Variants in PLXNC1 observed in about 807,000 individuals in gnomAD.
The protein encoded by PLXNC1 is plexin C1, also known as plexin-C1.
PLXNC1 carries 75 observed loss-of-function variants against 178.2 expected under a neutral mutation model. The ratio of observed to expected loss-of-function variants is 0.42; its 90% CI spans 0.35 to 0.51. The LOEUF (loss-of-function observed/expected upper bound fraction) is 0.51, where lower values mean the gene tolerates loss of function less well. Among genes scored for constraint, PLXNC1 ranks in the 20% least tolerant of loss-of-function variants. PLXNC1 has a pLI of 0.02. For missense variants in PLXNC1, 1,503 were observed against 1,984.4 expected, an observed-to-expected ratio of 0.76 and a Z score of 4.61; for synonymous variants, 790 against 779.9, an observed-to-expected ratio of 1.01 and a Z score of -0.22.
intron 4 of PLXNC1, among the ~76,000 whole-genome samples, chr12:94,195,136 G>T (rs536362353): frequency 1.3e-5 from 2 of 152,206 alleles, no homozygotes; most frequent in East Asian, 3.9e-4. Context: ...CTTACTAGCG[G>T]GTGCTGGGAA....
Position 94,254,840 on chromosome 12 carries a change from C to G in PLXNC1, c.2935C>G (p.Gln979Glu), listed in dbSNP as rs760889784. The change falls in exon 16 of 31, where the codon CAA becomes GAA. Residue 979 changes from glutamine to glutamate, a missense_variant. Around this residue, in one of 4 missense-constraint regions of PLXNC1, gnomAD observed 639 missense variants for 979.7 expected, o/e 0.65. Transcript: ENST00000258526. ...GAAGGAGCTGAGTCGCAAACAGAGT[C>G]AACAACTAGAATTGCTGGAAAGCGA... ...KSKELSRKQS[Q>E]QLELLESELR... 7 of 1,611,930 alleles carry G rather than the reference C, an allele frequency of 4.3e-6. No individual in the cohort carries two copies. In the Admixed American group the frequency reaches 1.2e-4, roughly 27 times the overall value.
At position 94,150,257 on chromosome 12, in the gene PLXNC1, G is replaced by C. The variant is rs190625185; in HGVS notation, c.1062+224G>C. 1.2e-3 allele frequency among the ~76,000 whole-genome samples: 179 copies of C among 152,282 alleles called. 3 individuals are homozygous for C. In the East Asian group the frequency reaches 0.03, roughly 25 times the overall value. On this transcript the variant is annotated intron_variant, in intron 1 of 30. Transcript: ENST00000258526. ...GTCCCCAAAGGGAGAGTGTAAAAAG[G>C]GGGGCGGGGAGGGTTGGAGTTAGAC...
chr12:94,252,342 G>T (rs1245967524), intron 15 of PLXNC1, among the ~76,000 whole-genome samples: 1 of 152,150 alleles, frequency 6.6e-6, no homozygotes, highest in Non-Finnish European at 1.5e-5. Context: ...AAGGAGGGAG[G>T]ACGGCATAAG....
rs760549221 is a variant in PLXNC1, at chr12:94,224,259, C to T, written c.1734C>T (p.Phe578=). Residue 578 remains phenylalanine (F), a synonymous_variant, in exon 7 of 31, where the codon TTC becomes TTT. Transcript: ENST00000258526. ...CAGTTGTCAACGTGATGTTCTCCTT[C>T]GGTTCTTGGAATTTATCAGACAGAT... is the stretch of plus-strand genomic sequence containing the variant. ...DVSVVNVMFS[F]GSWNLSDRFN... is the part of the protein sequence containing the mutation. 8.1e-6 allele frequency: 13 copies of T among 1,605,080 alleles called. No homozygotes were observed. The highest frequency in any genetic ancestry group is 3.3e-4 in the Middle Eastern group (2 of 6,066).
At chr12:94,277,596 G>T (rs1396242613) in intron 21 of PLXNC1, among the ~76,000 whole-genome samples, 3 of 152,174 alleles carry the variant, frequency 2.0e-5, no homozygotes, top group Admixed American at 2.0e-4. Context: ...CAGCTGGCTT[G>T]CGGTGGACTG....
At chr12:94,292,975 C>G (rs1967507723) in intron 23 of PLXNC1, among the ~76,000 whole-genome samples, 1 of 151,918 alleles carries the variant, frequency 6.6e-6, no homozygotes, top group Admixed American at 6.6e-5. Context: ...AAATAGAAGC[C>G]CTCTCCTGGC....
intron 9 of PLXNC1, chr12:94,227,556 A>G (rs1963980822): frequency 4.0e-6 from 1 of 248,112 alleles, no homozygotes. Flanking sequence ...AGGGATTTCA[A>G]CTTGCACTTT....
intron 3 of PLXNC1, among the ~76,000 whole-genome samples, chr12:94,185,341 A>G (rs1962471441): frequency 6.6e-6 from 1 of 151,972 alleles, no homozygotes; most frequent in South Asian, 2.1e-4. Flanking sequence ...CCCTTCTAGA[A>G]CTCCTTATTT....
intron 2 of PLXNC1, among the ~76,000 whole-genome samples, chr12:94,171,673 A>C: frequency 6.6e-6 from 1 of 152,212 alleles, no homozygotes; most frequent in Non-Finnish European, 1.5e-5. Context: ...GGAGACATGC[A>C]GATAGGGTTC....
intron 24 of PLXNC1, among the ~76,000 whole-genome samples, chr12:94,295,580 T>C (rs2136207979): frequency 6.6e-6 from 1 of 152,254 alleles, no homozygotes; most frequent in Non-Finnish European, 1.5e-5. Context: ...AGAGCCACCG[T>C]CTTACACCCT....
rs183552889 is a variant in PLXNC1 at position 94,245,333 on chromosome 12, T to C, written c.2388+1308T>C. ...TTTTGCTGGGTGCAGGGACAAAAGA[T>C]AAGTGAGATAGTCATATTGCCTTCA... On this transcript the variant is annotated intron_variant, in intron 12 of 30. Transcript: ENST00000258526. Among the ~76,000 whole-genome samples, 27 of 152,350 alleles carry C rather than the reference T, an allele frequency of 1.8e-4. No homozygotes were observed. The East Asian group carries it at 4.0e-3, about 23-fold the overall frequency.
intron 23 of PLXNC1, 30 bp from the exon 24 acceptor site, chr12:94,294,456 C>G (rs1880934): frequency 1.0e-6 from 1 of 991,316 alleles, no homozygotes; most frequent in Non-Finnish European, 1.6e-6. Context: ...AAATTTTGAA[C>G]ACTCATATAT....
intron 7 of PLXNC1, 144 bp downstream of exon 7, chr12:94,224,459 G>C (rs1486527781): frequency 7.8e-6 from 5 of 644,886 alleles, no homozygotes; most frequent in South Asian, 1.7e-5. Flanking sequence ...GGAGATAGGA[G>C]AGCCACCGAG....
At chr12:94,275,869 A>G in intron 21 of PLXNC1, among the ~76,000 whole-genome samples, 1 of 150,092 alleles carries the variant, frequency 6.7e-6, no homozygotes, top group South Asian at 2.1e-4. Flanking sequence ...AAAAAAAAAA[A>G]AAAAAAAAAA....
chr12:94,157,833 A>T (rs909765123), intron 1 of PLXNC1, among the ~76,000 whole-genome samples: 1 of 152,240 alleles, frequency 6.6e-6, no homozygotes, highest in Admixed American at 6.5e-5. Context: ...CTGCTGCTGT[A>T]GTGTGAACAC....
chr12:94,227,131 G>C lies in PLXNC1; in HGVS notation c.1894-18G>C. 1 of 1,515,834 alleles carries C rather than the reference G, an allele frequency of 6.6e-7. No individual in the cohort carries two copies. Among genetic ancestry groups the C allele is most frequent in the Non-Finnish European group, 9.2e-7 (1 of 1,090,522 alleles). The allele number at this position is 1,515,834 out of a possible 1,614,324, so 93.9% of individuals were successfully genotyped here. Reference sequence around the variant, plus strand: ...TTTACCACCCATCTGGATGTTGAAGGGATGTTCTCCATTCCAGGAACAGTG... The same window carrying C: ...TTTACCACCCATCTGGATGTTGAAGCGATGTTCTCCATTCCAGGAACAGTG... On this transcript the variant is annotated intron_variant, in intron 8 of 30. Transcript: ENST00000258526.
At chr12:94,254,460 C>A (rs552512566) in intron 15 of PLXNC1, 41 of 494,018 alleles carry the variant, frequency 8.3e-5, no homozygotes, top group African/African-American at 7.6e-4. Context: ...AGAAACTTGG[C>A]TTGTTTCATT....
chr12:94,188,476 A>G (rs1962602034), intron 4 of PLXNC1, among the ~76,000 whole-genome samples: 1 of 151,892 alleles, frequency 6.6e-6, no homozygotes, highest in Non-Finnish European at 1.5e-5. Flanking sequence ...GGTACGTGCC[A>G]CCATGCCCGA....
At chr12:94,261,455 G>A (rs1450813322) in intron 20 of PLXNC1, among the ~76,000 whole-genome samples, 1 of 152,156 alleles carries the variant, frequency 6.6e-6, no homozygotes, top group Non-Finnish European at 1.5e-5. Context: ...CCACTTACTT[G>A]GTTTTATAAA....
Sources: gnomAD v4.1 joint callset for allele counts (sites outside exome capture counted in the v4.1 genomes callset) on GRCh38, gnomAD v4.1.1 for gene constraint, gnomAD v4.1.1 regional missense constraint, MANE v1.5 for transcripts, NCBI Gene and HGNC (gene_info 2026-07-23, HGNC 2026-07-21) for gene names.